CSMD3: variants seen among roughly 807,000 people sequenced by gnomAD.
CSMD3 encodes CUB and sushi domain-containing protein 3.
CSMD3 carries 177 observed loss-of-function variants against 435.2 expected under a neutral mutation model. That is an observed-to-expected ratio of 0.41 (90% CI 0.36 to 0.46). The LOEUF is 0.46. CSMD3 is among the 20% of genes least tolerant of loss of function. CSMD3 has a pLI of 0.34. For synonymous variants in CSMD3, 1,656 were observed against 1,520.5 expected, an observed-to-expected ratio of 1.09 and a Z score of -2.07; for missense variants, 4,265 against 4,504.6, an observed-to-expected ratio of 0.95 and a Z score of 1.52.
At chr8:112,381,231 C>T (rs1199329087) in intron 37 of CSMD3, among the ~76,000 whole-genome samples, 1 of 152,052 alleles carries the variant, frequency 6.6e-6, no homozygotes, top group Non-Finnish European at 1.5e-5. Flanking sequence ...AGCTGGTAGT[C>T]AGCTTTCAAA....
chr8:113,285,863 T>C (rs985989681), intron 2 of CSMD3, among the ~76,000 whole-genome samples: 1 of 152,208 alleles, frequency 6.6e-6, no homozygotes, highest in African/African-American at 2.4e-5. Flanking sequence ...AATCATTTCA[T>C]TTTGATACAT....
At chr8:112,586,793 T>C (rs949666727) in intron 23 of CSMD3, among the ~76,000 whole-genome samples, 2 of 151,318 alleles carry the variant, frequency 1.3e-5, no homozygotes, top group Non-Finnish European at 3.0e-5. Flanking sequence ...AAAGTTTTCT[T>C]ATTTTGGTAT....
At chr8:112,228,338 T>C (rs1026172939) in intron 70 of CSMD3, among the ~76,000 whole-genome samples, 15 of 152,188 alleles carry the variant, frequency 9.9e-5, no homozygotes, top group Non-Finnish European at 2.1e-4. Context: ...TCAGTTAGTA[T>C]TTTTGTGTGA....
intron 5 of CSMD3, among the ~76,000 whole-genome samples, chr8:113,027,310 G>T (rs2086909448): frequency 1.3e-5 from 2 of 151,892 alleles, no homozygotes; most frequent in South Asian, 4.1e-4. Context: ...ATAGTCCCAA[G>T]AAAAACTAGC....
At chr8:112,566,056 C>A (rs1227430627) in intron 24 of CSMD3, among the ~76,000 whole-genome samples, 1 of 138,558 alleles carries the variant, frequency 7.2e-6, no homozygotes. Flanking sequence ...TTTTTTTTTA[C>A]TCTTACCTGG....
intron 5 of CSMD3, among the ~76,000 whole-genome samples, chr8:113,024,836 T>C (rs1017217650): frequency 3.9e-5 from 6 of 152,152 alleles, no homozygotes; most frequent in African/African-American, 1.4e-4. Flanking sequence ...TGGAGTAATG[T>C]ACATTGTACC....
At chr8:113,410,111 CACAA>C (rs1170762603) in intron 1 of CSMD3, among the ~76,000 whole-genome samples, 4 of 152,110 alleles carry the variant, frequency 2.6e-5, no homozygotes, top group African/African-American at 7.2e-5. Context: ...TTATCTCTCA[CACAA>C]ACAGATATAA....
chr8:113,208,953 T>C (rs1189226354), intron 3 of CSMD3, among the ~76,000 whole-genome samples: 2 of 152,142 alleles, frequency 1.3e-5, no homozygotes, highest in Non-Finnish European at 2.9e-5. Context: ...CCATTTGAAA[T>C]GTCTTTCTAG....
chr8:112,976,072 A>G lies in CSMD3; in HGVS notation c.1107T>C (p.Ala369=). 6.2e-7 allele frequency: 1 copy of G among 1,614,056 alleles called. No individual in the cohort carries two copies. Among genetic ancestry groups the G allele is most frequent in the Non-Finnish European group, 8.5e-7 (1 of 1,179,950 alleles). Residue 369 remains alanine (A), a synonymous_variant, in exon 7 of 71, where the codon GCT becomes GCC. Transcript: ENST00000297405. ...EHNRTTTGAI[A]VASTPADVTV... ...TAACATCTGCAGGTGTGCTAGCAAC[A>G]GCAATAGCACCAGTGGTAGTCCTGT...
chr8:112,910,963 C>G (rs983716348), intron 10 of CSMD3, among the ~76,000 whole-genome samples: 2 of 151,834 alleles, frequency 1.3e-5, no homozygotes, highest in Non-Finnish European at 2.9e-5. Flanking sequence ...AAAATATCTC[C>G]TTGCTGTGGT....
At chr8:112,506,566 G>T (rs1033999808) in intron 29 of CSMD3, 125 bp downstream of exon 29, 3 of 909,656 alleles carry the variant, frequency 3.3e-6, no homozygotes, top group African/African-American at 1.7e-5. Context: ...TATTAGCACT[G>T]GGATAAGTAA....
intron 3 of CSMD3, among the ~76,000 whole-genome samples, chr8:113,255,130 T>C (rs1427116076): frequency 6.6e-6 from 1 of 152,138 alleles, no homozygotes; most frequent in Non-Finnish European, 1.5e-5. Context: ...AGACATGATA[T>C]AGTTTTTAGT....
chr8:112,942,132 C>T (rs1489681699), intron 9 of CSMD3, among the ~76,000 whole-genome samples: 2 of 151,070 alleles, frequency 1.3e-5, no homozygotes, highest in African/African-American at 4.9e-5. Context: ...CTCCTGACAA[C>T]CAGTGTTTTT....
chr8:112,993,972 T>G lies in CSMD3; in HGVS notation c.1031-17824A>C, dbSNP rs529203976. ...TGTGCTAGAAATCTATAGTGAAGTT[T>G]CAAGCTTGACAGCTTGTACTACAAA... On this transcript the variant is annotated intron_variant, in intron 6 of 70. Coordinates refer to ENST00000297405, the MANE Select transcript of CSMD3 (RefSeq NM_198123.2). Among the ~76,000 whole-genome samples the G allele has an allele frequency of 2.8e-3, 428 of 151,924 alleles. 2 individuals are homozygous for G. The highest frequency in any genetic ancestry group is 5.0e-3 in the Non-Finnish European group (339 of 67,852).
At chr8:113,423,908 T>A (rs1341038688) in intron 1 of CSMD3, among the ~76,000 whole-genome samples, 1 of 151,872 alleles carries the variant, frequency 6.6e-6, no homozygotes, top group Non-Finnish European at 1.5e-5. Flanking sequence ...TTCACATAGA[T>A]ATGGAAGTGC....
chr8:112,759,135 A>G (rs1276195623), intron 13 of CSMD3, among the ~76,000 whole-genome samples: 2 of 152,152 alleles, frequency 1.3e-5, no homozygotes, highest in Admixed American at 6.5e-5. Flanking sequence ...AGTTAGTGAT[A>G]AAAGGCCTAA....
chr8:113,243,728 A>C (rs1395684018), intron 3 of CSMD3, among the ~76,000 whole-genome samples: 1 of 152,138 alleles, frequency 6.6e-6, no homozygotes, highest in East Asian at 1.9e-4. Flanking sequence ...CATATCCATA[A>C]GCAATGCACA....
chr8:113,000,766 A>G (rs994096486), intron 6 of CSMD3, among the ~76,000 whole-genome samples: 20 of 151,990 alleles, frequency 1.3e-4, no homozygotes, highest in Non-Finnish European at 2.1e-4. Flanking sequence ...TTTAAATGCT[A>G]TCTTTCTGGG....
chr8:112,869,775 C>T (rs1315744902), intron 10 of CSMD3, among the ~76,000 whole-genome samples: 3 of 152,148 alleles, frequency 2.0e-5, no homozygotes, highest in Non-Finnish European at 4.4e-5. Context: ...AGCAAACTAA[C>T]ACAGAAACAG....
Sources: gnomAD v4.1 joint callset for allele counts (sites outside exome capture counted in the v4.1 genomes callset) on GRCh38, gnomAD v4.1.1 for gene constraint, MANE v1.5 for transcripts, NCBI Gene and HGNC (gene_info 2026-07-23, HGNC 2026-07-21) for gene names.